LARGE1: variants seen among roughly 807,000 people sequenced by gnomAD.
LARGE1 encodes LARGE xylosyl- and glucuronyltransferase 1.
A neutral mutation model predicts 87.6 loss-of-function variants in LARGE1; 43 were observed. The observed-to-expected ratio is 0.49, with a 90% CI of 0.38 to 0.63. The LOEUF is 0.63. Among genes scored for constraint, LARGE1 ranks in the 30% least tolerant of loss-of-function variants. The pLI is 0.00. For synonymous variants in LARGE1, 434 were observed against 394.6 expected, an observed-to-expected ratio of 1.10 and a Z score of -1.18; for missense variants, 802 against 1,000.2, an observed-to-expected ratio of 0.80 and a Z score of 2.67.
Position 33,738,931 on chromosome 22 carries a change from G to A in LARGE1, c.106+22440C>T, listed in dbSNP as rs9609861. Among the ~76,000 whole-genome samples the A allele has an allele frequency of 3.4e-4, 50 of 148,122 alleles. No individual in the cohort carries two copies. The South Asian group carries it at 3.7e-3, about 11-fold the overall frequency. On this transcript the variant is annotated intron_variant, in intron 2 of 14. Coordinates refer to ENST00000397394, the MANE Select transcript of LARGE1 (RefSeq NM_133642.5). Reference sequence around the variant, plus strand: ...CCCCATGTATGTCCCTATCCCCCCCGCATTCTTAACAGTGTTCCAGTTTGG... The same window carrying A: ...CCCCATGTATGTCCCTATCCCCCCCACATTCTTAACAGTGTTCCAGTTTGG...
upstream of LARGE1, chr22:33,922,642 C>G (rs1251433329): frequency 6.6e-6 from 1 of 152,256 alleles, no homozygotes; most frequent in Non-Finnish European, 1.5e-5. Context: ...TGAGCCTCAC[C>G]GTGCACGTTG....
chr22:33,713,271 G>A (rs929946562), intron 2 of LARGE1, among the ~76,000 whole-genome samples: 1 of 152,092 alleles, frequency 6.6e-6, no homozygotes, highest in African/African-American at 2.4e-5. Flanking sequence ...TCAAAAAAAA[G>A]TCCCAGCTCC....
At position 33,214,583 on chromosome 22, in the gene LARGE1, T is replaced by C. The variant is rs114495808; in HGVS notation, c.1731-47751A>G. Among the ~76,000 whole-genome samples, 410 of 152,224 alleles carry C rather than the reference T, an allele frequency of 2.7e-3. 1 individual carries two copies. The highest frequency in any genetic ancestry group is 8.9e-3 in the African/African-American group (371 of 41,538). The stretch of plus-strand genomic sequence containing the variant: ...GAACGACCTCAGAGACCAAGGAATC[T>C]CCTGGCCCTTTACAAAGCTGTGGCC... On this transcript the variant is annotated intron_variant, in intron 11 of 11. Coordinates refer to the LARGE1 transcript ENST00000608642.
chr22:33,918,870 C>A (rs76743113), intron 1 of LARGE1, among the ~76,000 whole-genome samples: 1 of 152,018 alleles, frequency 6.6e-6, no homozygotes, highest in Non-Finnish European at 1.5e-5. Context: ...CCTGCCACCC[C>A]CTCCGTTTCT....
At chr22:33,843,230 G>A (rs1175939859) in intron 1 of LARGE1, among the ~76,000 whole-genome samples, 4 of 152,014 alleles carry the variant, frequency 2.6e-5, no homozygotes, top group African/African-American at 4.8e-5. Context: ...GCAGTGGGTC[G>A]GGAGTATGTC....
At chr22:33,505,116 T>C (rs2070700560) in intron 6 of LARGE1, among the ~76,000 whole-genome samples, 1 of 152,174 alleles carries the variant, frequency 6.6e-6, no homozygotes, top group East Asian at 1.9e-4. Flanking sequence ...TATTACACAG[T>C]CTCGTGAGCA....
At chr22:33,628,106 A>G (rs1015064354) in intron 3 of LARGE1, among the ~76,000 whole-genome samples, 1 of 152,244 alleles carries the variant, frequency 6.6e-6, no homozygotes, top group Non-Finnish European at 1.5e-5. Context: ...CCAAGAAGAA[A>G]GAGGAGGGGA....
intron 10 of LARGE1, among the ~76,000 whole-genome samples, chr22:33,333,013 C>CTTTTTTTTTTTTTT (rs113084979): frequency 0.02 from 2,824 of 140,044 alleles, 97 homozygotes; most frequent in East Asian, 0.05. Flanking sequence ...GGGCAATGTC[C>CTTTTTTTTTTTTTT]TTTTTTTTTT....
At chr22:33,754,132 T>C (rs1167449317) in intron 2 of LARGE1, among the ~76,000 whole-genome samples, 2 of 152,084 alleles carry the variant, frequency 1.3e-5, no homozygotes, top group Non-Finnish European at 2.9e-5. Flanking sequence ...GGATAGACTT[T>C]ACTGCCCTCT....
chr22:33,640,594 T>C (rs2080398426), intron 3 of LARGE1, among the ~76,000 whole-genome samples: 1 of 151,808 alleles, frequency 6.6e-6, no homozygotes, highest in Non-Finnish European at 1.5e-5. Flanking sequence ...AATCGTTCAC[T>C]CCCCTGGAAA....
intron 2 of LARGE1, among the ~76,000 whole-genome samples, chr22:33,724,437 G>A (rs973202984): frequency 6.6e-6 from 1 of 152,140 alleles, no homozygotes; most frequent in Non-Finnish European, 1.5e-5. Flanking sequence ...GGGTGGAGGT[G>A]GAAGTGGGAA....
At chr22:33,404,027 C>T (rs553565672) in intron 7 of LARGE1, among the ~76,000 whole-genome samples, 1 of 152,170 alleles carries the variant, frequency 6.6e-6, no homozygotes, top group African/African-American at 2.4e-5. Flanking sequence ...AAATAGAAAT[C>T]ATAGTCCTCG....
At chr22:33,527,754 A>G (rs539489873) in intron 6 of LARGE1, among the ~76,000 whole-genome samples, 35 of 152,214 alleles carry the variant, frequency 2.3e-4, no homozygotes, top group African/African-American at 7.0e-4. Flanking sequence ...ACAAACCATA[A>G]TAACAAAAGG....
intron 11 of LARGE1, among the ~76,000 whole-genome samples, chr22:33,203,097 CTCTCTG>C (rs796638639): frequency 2.6e-3 from 340 of 132,956 alleles, no homozygotes; most frequent in African/African-American, 7.5e-3. Flanking sequence ...CTCTCTCTCT[CTCTCTG>C]TGTGTGTGTG....
intron 2 of LARGE1, among the ~76,000 whole-genome samples, chr22:33,712,067 G>C (rs1448156617): frequency 6.6e-6 from 1 of 152,170 alleles, no homozygotes; most frequent in Non-Finnish European, 1.5e-5. Context: ...TATAAAGGCA[G>C]AAGTCCAGAA....
At position 33,274,305 on chromosome 22, in the gene LARGE1, A is replaced by G. The variant is rs1928715444; in HGVS notation, c.*122T>C. 4 of 1,073,262 alleles carry G rather than the reference A, an allele frequency of 3.7e-6. No individual in the cohort carries two copies. The highest frequency in any genetic ancestry group is 5.7e-6 in the Non-Finnish European group (4 of 699,716). 66.5% of individuals were successfully genotyped at this position (1,073,262 alleles called of 1,614,324 possible). On this transcript the variant is annotated 3_prime_UTR_variant, in exon 15 of 15. Transcript: ENST00000397394. ...TAGTGAGGGCAGCTTGGCTGGGCCAAAGAGATAAATAAAAACAAACCGAAA... is the reference window on the plus strand; with the variant it reads ...TAGTGAGGGCAGCTTGGCTGGGCCAGAGAGATAAATAAAAACAAACCGAAA...
intron 2 of LARGE1, 89 bp downstream of exon 2, chr22:33,761,282 G>C: frequency 2.0e-6 from 2 of 1,021,704 alleles, no homozygotes; most frequent in Non-Finnish European, 3.1e-6. Flanking sequence ...ATTCCTATTA[G>C]ATGGCTTTGA....
chr22:33,142,517 G>A, the LARGE1 span, among the ~76,000 whole-genome samples: 1 of 152,004 alleles, frequency 6.6e-6, no homozygotes, highest in Non-Finnish European at 1.5e-5. Context: ...AATAAAGTCA[G>A]TAACCTCTGC....
chr22:33,275,938 T>A (rs920604290), intron 14 of LARGE1, among the ~76,000 whole-genome samples: 1 of 152,170 alleles, frequency 6.6e-6, no homozygotes, highest in African/African-American at 2.4e-5. Context: ...TTATAAAAAA[T>A]ATGGATACTG....
Sources: gnomAD v4.1 joint callset for allele counts (sites outside exome capture counted in the v4.1 genomes callset) on GRCh38, gnomAD v4.1.1 for gene constraint, MANE v1.5 for transcripts, NCBI Gene and HGNC (gene_info 2026-07-23, HGNC 2026-07-21) for gene names.